SCD5: variants seen among roughly 807,000 people sequenced by gnomAD.
The protein encoded by SCD5 is stearoyl-CoA desaturase 5, also known as acyl-CoA-desaturase 4.
A neutral mutation model predicts 30.4 loss-of-function variants in SCD5; 20 were observed. The observed-to-expected ratio is 0.66, with a 90% CI of 0.46 to 0.96. The LOEUF is 0.96. Among genes scored for constraint, SCD5 ranks in the 40% least tolerant of loss-of-function variants. The pLI is 0.00. For synonymous variants in SCD5, 173 were observed against 176.4 expected, an observed-to-expected ratio of 0.98 and a Z score of 0.16; for missense variants, 381 against 443.3, an observed-to-expected ratio of 0.86 and a Z score of 1.26.
intron 1 of SCD5, among the ~76,000 whole-genome samples, chr4:82,795,641 A>AC (rs1393971152): frequency 6.6e-6 from 1 of 151,498 alleles, no homozygotes; most frequent in Non-Finnish European, 1.5e-5. Context: ...ACATGGTGAG[A>AC]CCCCCATCTC....
intron 2 of SCD5, among the ~76,000 whole-genome samples, chr4:82,699,570 GT>G (rs59887380): frequency 0.01 from 1,464 of 141,048 alleles, 18 homozygotes; most frequent in East Asian, 0.027. Context: ...TTTGTTTTTT[GT>G]TTTTTTTTTT....
intron 3 of SCD5, among the ~76,000 whole-genome samples, chr4:82,678,628 A>G (rs1383902130): frequency 6.6e-6 from 1 of 152,242 alleles, no homozygotes; most frequent in African/African-American, 2.4e-5. Flanking sequence ...GACATGCTCA[A>G]CTGATGGAAT....
chr4:82,682,383 G>GT (rs11369170), intron 2 of SCD5, among the ~76,000 whole-genome samples: 121,455 of 152,026 alleles, frequency 0.8, 48,746 homozygotes, highest in Middle Eastern at 0.87. Flanking sequence ...ATCTACAGAC[G>GT]TTTTTTTACA....
chr4:82,660,827 T>G, intron 3 of SCD5: 2 of 1,612,960 alleles, frequency 1.2e-6, no homozygotes, highest in South Asian at 1.1e-5. Flanking sequence ...CGTCTGTTAT[T>G]CTATACGTTA....
intron 3 of SCD5, among the ~76,000 whole-genome samples, chr4:82,664,509 T>C (rs6830953): frequency 0.94 from 143,480 of 152,204 alleles, 67,690 homozygotes; most frequent in East Asian, 1. Context: ...AGAAATGGCC[T>C]GGATATTACA....
At chr4:82,719,653 G>A (rs896613308) in intron 1 of SCD5, among the ~76,000 whole-genome samples, 13 of 150,916 alleles carry the variant, frequency 8.6e-5, no homozygotes, top group Admixed American at 5.3e-4. Context: ...ACAGGGGCCC[G>A]CTACCACGCC....
intron 2 of SCD5, among the ~76,000 whole-genome samples, chr4:82,701,845 G>A (rs1719849481): frequency 6.6e-6 from 1 of 152,210 alleles, no homozygotes; most frequent in African/African-American, 2.4e-5. Flanking sequence ...GATGTAGCCA[G>A]CAGAAGCAGA....
chr4:82,657,151 T>A (rs1727883066), intron 3 of SCD5, among the ~76,000 whole-genome samples: 2 of 152,228 alleles, frequency 1.3e-5, no homozygotes, highest in South Asian at 4.1e-4. Flanking sequence ...CTTTTGGTGT[T>A]TTAGTCATGA....
chr4:82,712,243 CATATATATATAT>C (rs762732703), intron 1 of SCD5, among the ~76,000 whole-genome samples: 679 of 28,782 alleles, frequency 0.024, 17 homozygotes, highest in Non-Finnish European at 0.046. Flanking sequence ...GACCAACTAA[CATATATATATAT>C]ATATATATAT....
At chr4:82,781,728 T>C (rs1488073134) in intron 1 of SCD5, among the ~76,000 whole-genome samples, 2 of 152,166 alleles carry the variant, frequency 1.3e-5, no homozygotes, top group Non-Finnish European at 2.9e-5. Flanking sequence ...CACCCTCTCA[T>C]TGCCCTTGCA....
chr4:82,716,203 CA>C (rs1390690727), intron 1 of SCD5, among the ~76,000 whole-genome samples: 3 of 151,698 alleles, frequency 2.0e-5, no homozygotes, highest in Non-Finnish European at 4.4e-5. Flanking sequence ...TCGGGGAGAT[CA>C]TTTACTAGGC....
chr4:82,669,527 A>C (rs1344623885), intron 3 of SCD5, among the ~76,000 whole-genome samples: 1 of 152,246 alleles, frequency 6.6e-6, no homozygotes, highest in African/African-American at 2.4e-5. Context: ...AGTGGTTCAC[A>C]GGAACTAGTG....
In SCD5 at chr4:82,632,242, G is replaced by A. The variant is rs188940369; in HGVS notation, c.803-725C>T. Reference sequence around the variant, plus strand: ...GATGTTCCCCGCCCTGTGTCCAAGCGTTCTCACTGTTCAATTCCCACCTAT... The same window carrying A: ...GATGTTCCCCGCCCTGTGTCCAAGCATTCTCACTGTTCAATTCCCACCTAT... On this transcript the variant is annotated intron_variant, in intron 4 of 4. Coordinates refer to ENST00000319540, the MANE Select transcript of SCD5 (RefSeq NM_001037582.3). 1.5e-4 allele frequency among the ~76,000 whole-genome samples: 21 copies of A among 141,542 alleles called. No individual in the cohort carries two copies. The East Asian group carries it at 2.4e-3, about 16-fold the overall frequency. The allele number at this position is 141,542 out of a possible 152,430, so 92.9% of individuals were successfully genotyped here. A position where few individuals can be genotyped will look rare whatever the true frequency, so the allele number is the denominator to read the frequency against.
Position 82,680,786 on chromosome 4 carries a change from G to A in SCD5, c.490C>T (p.His164Tyr). Reference protein sequence around the residue: ...SHIGWLFVRKHRDVIEKGRKL... With the variant: ...SHIGWLFVRKYRDVIEKGRKL... ...CTCCCCTTCTCAATAACATCTCGATGCTTGCGAACAAACAGCCACCCAATA... is the reference window on the plus strand; with the variant it reads ...CTCCCCTTCTCAATAACATCTCGATACTTGCGAACAAACAGCCACCCAATA... Residue 164 changes from histidine (H) to tyrosine (Y), a missense_variant, in exon 3 of 5, where the codon CAT becomes TAT. His to Tyr is a moderately conservative substitution (Grantham distance 83, BLOSUM62 2). Coordinates refer to ENST00000319540, the MANE Select transcript of SCD5 (RefSeq NM_001037582.3). 6.2e-7 allele frequency: 1 copy of A among 1,614,040 alleles called. No homozygotes were observed.
intron 2 of SCD5, among the ~76,000 whole-genome samples, chr4:82,698,747 C>T (rs959219614): frequency 6.6e-6 from 1 of 152,226 alleles, no homozygotes; most frequent in African/African-American, 2.4e-5. Flanking sequence ...ACCCTCCTCT[C>T]CTTCAGGTCT....
intron 1 of SCD5, among the ~76,000 whole-genome samples, chr4:82,794,692 T>C (rs1186712365): frequency 6.6e-5 from 10 of 150,454 alleles, no homozygotes; most frequent in Non-Finnish European, 1.3e-4. Context: ...CTCTGTCGCC[T>C]AGGCTGGAGT....
chr4:82,686,681 T>A (rs1728713692), intron 2 of SCD5, among the ~76,000 whole-genome samples: 1 of 152,096 alleles, frequency 6.6e-6, no homozygotes, highest in Non-Finnish European at 1.5e-5. Context: ...AAAGAAATAG[T>A]AAGAGAAAAA....
intron 1 of SCD5, among the ~76,000 whole-genome samples, chr4:82,782,281 A>G (rs544510208): frequency 6.6e-6 from 1 of 151,980 alleles, no homozygotes; most frequent in Admixed American, 6.6e-5. Context: ...AGCTCCATGA[A>G]CCTCCATATT....
At chr4:82,764,315 A>G (rs1299818534) in intron 1 of SCD5, among the ~76,000 whole-genome samples, 1 of 152,212 alleles carries the variant, frequency 6.6e-6, no homozygotes, top group East Asian at 1.9e-4. Context: ...CCTGATTTAG[A>G]TCATTTACAT....
Sources: gnomAD v4.1 joint callset for allele counts (sites outside exome capture counted in the v4.1 genomes callset) on GRCh38, gnomAD v4.1.1 for gene constraint, MANE v1.5 for transcripts, NCBI Gene and HGNC (gene_info 2026-07-23, HGNC 2026-07-21) for gene names.